The following LRRC4C variants were observed in gnomAD, a reference collection of about 807,000 sequenced individuals.
The protein encoded by LRRC4C is leucine rich repeat containing 4C.
Under a neutral mutation model 33.6 loss-of-function variants are expected in LRRC4C, and 5 were observed. That is an observed-to-expected ratio of 0.15 (90% CI 0.08 to 0.31). LRRC4C has a LOEUF of 0.31. LRRC4C is among the 10% of genes least tolerant of loss of function. The probability of loss-of-function intolerance (pLI) is 1.00; values close to 1 mark genes in which losing one functional copy is unlikely to be tolerated. For missense variants in LRRC4C, 560 were observed against 796.7 expected (o/e 0.70, Z 3.58); for synonymous variants, 329 against 302.0 (o/e 1.09, Z -0.93).
chr11:40,572,341 G>T (rs1958015752), intron 3 of LRRC4C, among the ~76,000 whole-genome samples: 1 of 152,174 alleles, frequency 6.6e-6, no homozygotes, highest in Non-Finnish European at 1.5e-5. Flanking sequence ...CTGAGAGAAA[G>T]AGTAACAGCA....
intron 2 of LRRC4C, among the ~76,000 whole-genome samples, chr11:40,660,615 C>A (rs1943383370): frequency 6.6e-6 from 1 of 152,102 alleles, no homozygotes; most frequent in Admixed American, 6.5e-5. Context: ...TGTCACAGAG[C>A]AAGTATGAAG....
At position 40,397,330 on chromosome 11, in the gene LRRC4C, C is replaced by A. The variant is rs181785803; in HGVS notation, c.-269-77609G>T. Among the ~76,000 whole-genome samples, 10 of 152,072 alleles carry A rather than the reference C, an allele frequency of 6.6e-5. 1 individual carries two copies. The highest frequency in any genetic ancestry group is 6.6e-4 in the Admixed American group (10 of 15,256). ...TAGTGTAATTAAGCAAAACATATGG[C>A]ATGATTTAATATTGCTGGCAGTCAT... On this transcript the variant is annotated intron_variant, in intron 3 of 6. Coordinates refer to ENST00000528697, the MANE Select transcript of LRRC4C (RefSeq NM_001258419.2).
At chr11:41,322,522 A>G (rs1216745088) in intron 1 of LRRC4C, among the ~76,000 whole-genome samples, 1 of 152,130 alleles carries the variant, frequency 6.6e-6, no homozygotes, top group Non-Finnish European at 1.5e-5. Flanking sequence ...TTAGTAATAT[A>G]AATGGTGTAT....
intron 5 of LRRC4C, among the ~76,000 whole-genome samples, chr11:40,153,356 C>A (rs573299897): frequency 6.6e-6 from 1 of 152,160 alleles, no homozygotes; most frequent in East Asian, 1.9e-4. Flanking sequence ...AGAAAACCAA[C>A]CCTGGTAATA....
intron 2 of LRRC4C, among the ~76,000 whole-genome samples, chr11:40,924,316 G>C (rs1325780079): frequency 1.3e-5 from 2 of 151,806 alleles, no homozygotes; most frequent in South Asian, 4.2e-4. Context: ...CAAAGGATGT[G>C]GTTCTTTAAT....
At chr11:40,449,312 TAACTC>T (rs990305670) in intron 3 of LRRC4C, among the ~76,000 whole-genome samples, 13 of 149,024 alleles carry the variant, frequency 8.7e-5, no homozygotes, top group African/African-American at 3.0e-4. Context: ...GCTACTCACT[TAACTC>T]AAACAAAACA....
chr11:40,695,928 A>G (rs1945478657), intron 2 of LRRC4C, among the ~76,000 whole-genome samples: 1 of 151,850 alleles, frequency 6.6e-6, no homozygotes. Context: ...CACAGGTTTC[A>G]GAGATTGGGA....
At chr11:41,268,172 G>T (rs933615300) in intron 1 of LRRC4C, among the ~76,000 whole-genome samples, 15 of 152,072 alleles carry the variant, frequency 9.9e-5, no homozygotes, top group Non-Finnish European at 1.5e-4. Context: ...CAAGGTTGAG[G>T]CCATTATCTT....
At chr11:40,336,976 CAAAAAAAAAAAAAAAAAAA>C (rs34144874) in intron 3 of LRRC4C, among the ~76,000 whole-genome samples, 3 of 79,276 alleles carry the variant, frequency 3.8e-5, no homozygotes, top group African/African-American at 2.3e-4. Context: ...GACTTCGTCT[CAAAAAAAAAAAAAAAAAAA>C]AAAAAAAAAA....
At chr11:40,886,969 C>CAT (rs1230468982) in intron 2 of LRRC4C, among the ~76,000 whole-genome samples, 81 of 145,254 alleles carry the variant, frequency 5.6e-4, no homozygotes, top group Middle Eastern at 3.5e-3. Flanking sequence ...TATATATATA[C>CAT]ATATATATAT....
chr11:40,633,391 C>G (rs1466210307), intron 3 of LRRC4C, among the ~76,000 whole-genome samples: 3 of 124,482 alleles, frequency 2.4e-5, no homozygotes, highest in Non-Finnish European at 3.4e-5. Flanking sequence ...TTCTTTCTTT[C>G]TTTCTTTTTT....
chr11:41,406,706 CCACACACACACACA>C (rs112867786), intron 1 of LRRC4C, among the ~76,000 whole-genome samples: 131 of 138,306 alleles, frequency 9.5e-4, no homozygotes, highest in East Asian at 6.7e-3. Context: ...TACACATTCA[CCACACACACACACA>C]CACACACACA....
chr11:40,677,245 G>T (rs371706845), intron 2 of LRRC4C, among the ~76,000 whole-genome samples: 2 of 151,986 alleles, frequency 1.3e-5, no homozygotes, highest in African/African-American at 4.8e-5. Flanking sequence ...AATTAGCCGC[G>T]CATGGTGGCA....
chr11:40,651,943 T>C (rs560491560), intron 2 of LRRC4C, among the ~76,000 whole-genome samples: 7 of 152,362 alleles, frequency 4.6e-5, no homozygotes, highest in Admixed American at 3.9e-4. Flanking sequence ...GAAAAGTCTT[T>C]AATGTCTGTT....
In LRRC4C at chr11:40,115,070, T is replaced by A; in HGVS notation, c.1223A>T (p.Asp408Val). ...TACATTTGTGAAATTTAACGTACCA[T>A]CACTGAGCACAGCTATCCGCACTTT... ...AYKVRIAVLS[D>V]GTLNFTNVTV... is the part of the protein sequence containing the mutation. Residue 408 changes from aspartate (D) to valine (V), a missense_variant, in exon 7 of 7, where the codon GAT (aspartate) becomes GTT (valine). Coordinates refer to ENST00000528697, the MANE Select transcript of LRRC4C (RefSeq NM_001258419.2). The surrounding 1 kb of genome is among the most constrained non-coding windows in gnomAD (Gnocchi z 6.7). The A allele has an allele frequency of 6.2e-7, 1 of 1,614,200 alleles. No individual in the cohort carries two copies. The highest frequency in any genetic ancestry group is 8.5e-7 in the Non-Finnish European group (1 of 1,180,038).
intron 2 of LRRC4C, among the ~76,000 whole-genome samples, chr11:40,825,947 G>A (rs537517395): frequency 1.9e-5 from 1 of 53,362 alleles, no homozygotes; most frequent in Admixed American, 2.4e-4. Flanking sequence ...TTCTGGGGGG[G>A]GGGCGTCTCA....
intron 1 of LRRC4C, among the ~76,000 whole-genome samples, chr11:41,279,715 T>C (rs4387343): frequency 0.99 from 149,978 of 152,224 alleles, 73,920 homozygotes; most frequent in East Asian, 1. Flanking sequence ...CAGAAGGAAA[T>C]TTGACTCCAT....
chr11:40,357,815 A>G (rs1284014597), intron 3 of LRRC4C, among the ~76,000 whole-genome samples: 1 of 152,174 alleles, frequency 6.6e-6, no homozygotes, highest in Non-Finnish European at 1.5e-5. Context: ...CATCCTGGGC[A>G]TGATACAAAT....
intron 4 of LRRC4C, among the ~76,000 whole-genome samples, chr11:40,276,521 A>G (rs1468829072): frequency 6.6e-6 from 1 of 152,152 alleles, no homozygotes; most frequent in Non-Finnish European, 1.5e-5. Context: ...ATGTCAAACC[A>G]TGCCCTGAAT....
Sources: allele counts gnomAD v4.1 joint callset (sites outside exome capture counted in the v4.1 genomes callset), GRCh38; gene constraint gnomAD v4.1.1; non-coding constraint Gnocchi (gnomAD v3.1); transcripts MANE v1.5; gene names NCBI Gene and HGNC (gene_info 2026-07-23, HGNC 2026-07-21).